Variants in CAST observed in about 807,000 individuals in gnomAD.
CAST encodes the protein calpastatin, also known as MIR583 host.
Under a neutral mutation model 119.6 loss-of-function variants are expected in CAST, and 76 were observed. The observed-to-expected ratio is 0.64, with a 90% confidence interval of 0.53 to 0.77. The LOEUF is 0.77. Ranked by LOEUF, CAST falls within the 30% of genes least tolerant of loss-of-function variation. The pLI, the probability that CAST is intolerant of heterozygous loss-of-function variation, is 0.00. For missense variants in CAST, 953 were observed against 946.5 expected, an observed-to-expected ratio of 1.01 and a Z score of -0.09; for synonymous variants, 319 against 331.6, an observed-to-expected ratio of 0.96 and a Z score of 0.41.
chr5:96,345,680 A>G, the CAST span, among the ~76,000 whole-genome samples: 5 of 152,174 alleles, frequency 3.3e-5, no homozygotes, highest in Admixed American at 6.6e-5. Context: ...CTGAAGGCTT[A>G]ACTGAGGGAG....
the CAST span, among the ~76,000 whole-genome samples, chr5:96,053,258 T>C: frequency 6.6e-6 from 1 of 152,210 alleles, no homozygotes; most frequent in African/African-American, 2.4e-5. Context: ...AGGTACAGCC[T>C]GGACATAAGG....
chr5:96,748,697 G>C (rs1327975013), intron 19 of CAST, 84 bp downstream of exon 19: 2 of 681,754 alleles, frequency 2.9e-6, no homozygotes, highest in Non-Finnish European at 5.2e-6. Flanking sequence ...TTAGCATCAA[G>C]CAGTCTGTTA....
At chr5:96,618,900 C>T (rs945164350) in intron 1 of CAST, among the ~76,000 whole-genome samples, 12 of 152,240 alleles carry the variant, frequency 7.9e-5, no homozygotes, top group Non-Finnish European at 1.6e-4. Context: ...GCACAGGATC[C>T]ACTAGGTGAA....
the CAST span, among the ~76,000 whole-genome samples, chr5:96,068,159 C>T: frequency 6.6e-6 from 1 of 152,120 alleles, no homozygotes; most frequent in African/African-American, 2.4e-5. Flanking sequence ...TGATAACGAT[C>T]CTGTCATCAT....
chr5:96,480,414 G>A, the CAST span, among the ~76,000 whole-genome samples: 2 of 152,124 alleles, frequency 1.3e-5, no homozygotes, highest in Non-Finnish European at 2.9e-5. Flanking sequence ...GGATGTACTC[G>A]ATTCTAGACA....
chr5:96,046,494 A>G, the CAST span, among the ~76,000 whole-genome samples: 1 of 152,146 alleles, frequency 6.6e-6, no homozygotes, highest in African/African-American at 2.4e-5. Context: ...CCAAAAATGT[A>G]ACATAATTAC....
chr5:96,260,515 T>C, the CAST span, among the ~76,000 whole-genome samples: 2 of 152,218 alleles, frequency 1.3e-5, no homozygotes, highest in Admixed American at 1.3e-4. Context: ...CTTAATACAT[T>C]ATTGTTATTT....
the CAST span, among the ~76,000 whole-genome samples, chr5:96,433,788 T>C: frequency 2.0e-5 from 3 of 152,174 alleles, no homozygotes; most frequent in Non-Finnish European, 4.4e-5. Flanking sequence ...GTTAAAGCAA[T>C]ACTATTAAAA....
At chr5:96,617,023 G>A (rs942185807) in intron 1 of CAST, among the ~76,000 whole-genome samples, 3 of 152,054 alleles carry the variant, frequency 2.0e-5, no homozygotes, top group Non-Finnish European at 4.4e-5. Context: ...GTCTTAATCC[G>A]TTGACACATC....
chr5:96,407,492 G>A, the CAST span, among the ~76,000 whole-genome samples: 1 of 146,234 alleles, frequency 6.8e-6, no homozygotes, highest in Admixed American at 6.6e-5. Flanking sequence ...TATATTCCTG[G>A]AGGGAATATA....
chr5:96,260,512 C>T, the CAST span, among the ~76,000 whole-genome samples: 2 of 152,226 alleles, frequency 1.3e-5, no homozygotes, highest in African/African-American at 4.8e-5. Flanking sequence ...TTTCTTAATA[C>T]ATTATTGTTA....
chr5:96,754,738 C>G lies in CAST; in HGVS notation c.1707C>G (p.Val569=). ...TIPPDYRLEE[V]KDKDGKPLLP... ...CTCCTGATTATAGATTAGAAGAGGT[C>G]AAGGTAAACAGGCTGGAGTCTTTTT... The change falls in exon 22 of 32, where the codon GTC becomes GTG. Residue 569 remains valine, a synonymous_variant. Coordinates refer to ENST00000675179, the MANE Select transcript of CAST (RefSeq NM_001750.7). 6.4e-7 allele frequency: 1 copy of G among 1,557,860 alleles called. No individual in the cohort carries two copies. Among genetic ancestry groups the G allele is most frequent in the Non-Finnish European group, 8.9e-7 (1 of 1,129,932 alleles).
chr5:96,512,462 T>C, the CAST span, among the ~76,000 whole-genome samples: 11 of 152,224 alleles, frequency 7.2e-5, no homozygotes, highest in Middle Eastern at 3.2e-3. Context: ...TGGAGATATA[T>C]GGCACATAGT....
intron 1 of CAST, among the ~76,000 whole-genome samples, chr5:96,649,893 G>A (rs1044084456): frequency 6.6e-6 from 1 of 152,110 alleles, no homozygotes; most frequent in South Asian, 2.1e-4. Flanking sequence ...CTGTAATGAC[G>A]GTAACACAAT....
At chr5:96,411,304 A>G in the CAST span, among the ~76,000 whole-genome samples, 1 of 152,148 alleles carries the variant, frequency 6.6e-6, no homozygotes, top group Non-Finnish European at 1.5e-5. Flanking sequence ...AGTTTATGTC[A>G]CTGCACTTAA....
chr5:96,605,766 A>T (rs1747242255), intron 1 of CAST, among the ~76,000 whole-genome samples: 1 of 152,256 alleles, frequency 6.6e-6, no homozygotes, highest in African/African-American at 2.4e-5. Context: ...TTTGTTAATA[A>T]GAAATCATTA....
chr5:96,046,912 A>G, the CAST span, among the ~76,000 whole-genome samples: 2 of 152,120 alleles, frequency 1.3e-5, no homozygotes, highest in South Asian at 4.1e-4. Flanking sequence ...ATTCATTATC[A>G]CGAGAATAGC....
At chr5:96,695,640 T>C (rs982369624) in intron 2 of CAST, 196 bp from the exon 3 acceptor site, 1 of 444,504 alleles carries the variant, frequency 2.2e-6, no homozygotes, top group Admixed American at 3.4e-5. Context: ...CTTATTCAAC[T>C]TACTCTTCAT....
chr5:96,416,234 GT>G, the CAST span: 1 of 741,082 alleles, frequency 1.3e-6, no homozygotes, highest in Non-Finnish European at 2.4e-6. Flanking sequence ...CCTTGTTACT[GT>G]TTTTGTTTGT....
Sources: gnomAD v4.1 joint callset for allele counts (sites outside exome capture counted in the v4.1 genomes callset) on GRCh38, gnomAD v4.1.1 for gene constraint, MANE v1.5 for transcripts, NCBI Gene and HGNC (gene_info 2026-07-23, HGNC 2026-07-21) for gene names.